Variants in NRXN2 observed in about 807,000 individuals in gnomAD.
The protein encoded by NRXN2 is neurexin-2-beta.
Under a neutral mutation model 128.8 loss-of-function variants are expected in NRXN2, and 29 were observed. The ratio of observed to expected loss-of-function variants is 0.23; its 90% confidence interval spans 0.17 to 0.31. NRXN2 has a LOEUF of 0.31. Among genes scored for constraint, NRXN2 ranks in the 10% least tolerant of loss-of-function variants. NRXN2 has a pLI of 1.00. For synonymous variants in NRXN2, 1,098 were observed against 1,075.2 expected (o/e 1.02, Z -0.41); for missense variants, 1,881 against 2,452.6 (o/e 0.77, Z 4.92).
intron 6 of NRXN2, among the ~76,000 whole-genome samples, chr11:64,679,927 A>G (rs1272694007): frequency 6.6e-6 from 1 of 152,166 alleles, no homozygotes; most frequent in Non-Finnish European, 1.5e-5. Flanking sequence ...GGCCTTCCCT[A>G]TGGCCAGGAT....
At chr11:64,670,834 T>C (rs1430344866) in intron 7 of NRXN2, among the ~76,000 whole-genome samples, 1 of 152,304 alleles carries the variant, frequency 6.6e-6, no homozygotes, top group Non-Finnish European at 1.5e-5. Context: ...AGGGCTCTTC[T>C]GGTCCCAAAG....
Position 64,607,161 on chromosome 11 carries a change from AG to A in NRXN2, c.*34del. 6.2e-7 allele frequency: 1 copy of A among 1,601,288 alleles called. No homozygotes were observed. ...CACCCTCCTCCCGGGCCCTCCCAGG[AG>A]GGGCAGCTGGCAGTGGGGCGCAGTG... On this transcript the variant is annotated 3_prime_UTR_variant, in exon 23 of 23. Coordinates refer to ENST00000265459, the MANE Select transcript of NRXN2 (RefSeq NM_015080.4).
chr11:64,715,069 G>T (rs61350325), intron 1 of NRXN2, among the ~76,000 whole-genome samples: 4,544 of 152,160 alleles, frequency 0.03, 199 homozygotes, highest in African/African-American at 0.1. Flanking sequence ...GGAAGGAGAG[G>T]AAGCGCCTGG....
intron 4 of NRXN2, among the ~76,000 whole-genome samples, chr11:64,692,407 A>G (rs2053918061): frequency 6.6e-6 from 1 of 152,164 alleles, no homozygotes; most frequent in Non-Finnish European, 1.5e-5. Flanking sequence ...TCTCCAGCCC[A>G]TGCTTTTCTC....
intron 17 of NRXN2, among the ~76,000 whole-genome samples, chr11:64,636,105 G>C (rs2044667343): frequency 6.6e-6 from 1 of 152,076 alleles, no homozygotes; most frequent in Non-Finnish European, 1.5e-5. Flanking sequence ...GCCATGAGGT[G>C]GGGGTGGGGG....
In NRXN2 at chr11:64,630,556, C is replaced by T; in HGVS notation, c.3603G>A (p.Gly1201=). 3.1e-6 allele frequency: 5 copies of T among 1,613,964 alleles called. No homozygotes were observed. The highest frequency in any genetic ancestry group is 4.2e-6 in the Non-Finnish European group (5 of 1,180,022). Residue 1201 remains glycine (G), a synonymous_variant, in exon 19 of 23, where the codon GGG becomes GGA. Transcript: ENST00000265459. This position sits in a 1 kb window ranked among gnomAD's most constrained non-coding sequence, Gnocchi z 4.6. ...LQLHIDQGTV[G]VIFNVGTDDI... ...CGTCCGTGCCCACGTTAAAGATCAC[C>T]CCCACGGTGCCCTGGTCCTGGGGAC...
chr11:64,715,155 A>G (rs1256605294), intron 1 of NRXN2, among the ~76,000 whole-genome samples: 2 of 152,130 alleles, frequency 1.3e-5, no homozygotes, highest in East Asian at 3.8e-4. Context: ...GACAGAGAAA[A>G]TTAAATTCCA....
chr11:64,622,604 C>T lies in NRXN2; in HGVS notation c.4173+149G>A, dbSNP rs1442804141. ...TCCTGAAAGGTGACCTTGCCCATCG[C>T]CATGGCAACAAAGTCAGCGACAGCA... On this transcript the variant is annotated intron_variant, in intron 21 of 22. Transcript: ENST00000265459. This position sits in a 1 kb window ranked among gnomAD's most constrained non-coding sequence, Gnocchi z 4.3. The T allele has an allele frequency of 2.6e-5, 31 of 1,189,556 alleles. No individual in the cohort carries two copies. Among genetic ancestry groups the T allele is most frequent in the Admixed American group, 4.4e-5 (2 of 45,766 alleles). The allele number at this position is 1,189,556 out of a possible 1,614,324, so 73.7% of individuals were successfully genotyped here. A position where few individuals can be genotyped will look rare whatever the true frequency, so the allele number is the denominator to read the frequency against.
chr11:64,666,170 C>G (rs1591954848), intron 9 of NRXN2, among the ~76,000 whole-genome samples: 2 of 152,064 alleles, frequency 1.3e-5, no homozygotes, highest in Admixed American at 1.3e-4. Context: ...CCATCTGGCA[C>G]ACAGTGGGTG....
chr11:64,716,421 G>C (rs1159199768), intron 1 of NRXN2, among the ~76,000 whole-genome samples: 2 of 152,212 alleles, frequency 1.3e-5, no homozygotes, highest in Admixed American at 1.3e-4. Context: ...ATGGTAGGGA[G>C]GCTGCCAGAG....
chr11:64,654,595 C>A (rs1591835483), intron 11 of NRXN2, among the ~76,000 whole-genome samples: 1 of 152,294 alleles, frequency 6.6e-6, no homozygotes, highest in Non-Finnish European at 1.5e-5. Flanking sequence ...CTACACAGAG[C>A]CAGCAGCCCA....
intron 17 of NRXN2, among the ~76,000 whole-genome samples, chr11:64,638,534 G>T (rs906013147): frequency 3.3e-5 from 5 of 152,090 alleles, no homozygotes; most frequent in African/African-American, 1.2e-4. Flanking sequence ...CCCTGCCCAC[G>T]GACTCCCCCA....
chr11:64,697,733 G>A, intron 3 of NRXN2, 42 bp downstream of exon 3: 2 of 1,611,968 alleles, frequency 1.2e-6, no homozygotes, highest in Non-Finnish European at 1.7e-6. Flanking sequence ...GATCCCCATG[G>A]CAACAGATCC....
intron 6 of NRXN2, among the ~76,000 whole-genome samples, chr11:64,680,407 T>C (rs751925178): frequency 3.9e-5 from 6 of 152,164 alleles, no homozygotes; most frequent in Non-Finnish European, 7.3e-5. Flanking sequence ...GGCTTCAAAA[T>C]TTGAGAACAT....
At chr11:64,616,277 T>G (rs544413803) in intron 22 of NRXN2, among the ~76,000 whole-genome samples, 1 of 152,162 alleles carries the variant, frequency 6.6e-6, no homozygotes, top group Non-Finnish European at 1.5e-5. Flanking sequence ...TATGTGTGCA[T>G]TGTGGTGAGT....
At chr11:64,684,396 G>C (rs1281217839) in intron 6 of NRXN2, among the ~76,000 whole-genome samples, 2 of 152,188 alleles carry the variant, frequency 1.3e-5, no homozygotes, top group East Asian at 3.8e-4. Flanking sequence ...CCGCATTAAG[G>C]AGTGACTCCA....
intron 22 of NRXN2, among the ~76,000 whole-genome samples, chr11:64,612,237 G>C (rs925971565): frequency 1.3e-5 from 2 of 152,094 alleles, no homozygotes; most frequent in African/African-American, 4.8e-5. Flanking sequence ...ACTCCTCCCT[G>C]CCAAAAGCCC....
chr11:64,694,429 G>C (rs551971423), intron 3 of NRXN2, among the ~76,000 whole-genome samples: 2 of 152,242 alleles, frequency 1.3e-5, no homozygotes, highest in Admixed American at 1.3e-4. Flanking sequence ...GCAGTGAGGA[G>C]GACAGGAAGG....
intron 2 of NRXN2, among the ~76,000 whole-genome samples, chr11:64,708,098 C>CAAA (rs1333066704): frequency 2.3e-5 from 3 of 128,208 alleles, no homozygotes; most frequent in Non-Finnish European, 3.4e-5. Context: ...AACTCCGTCT[C>CAAA]AAAAAAAAAA....
Sources: allele counts gnomAD v4.1 joint callset (sites outside exome capture counted in the v4.1 genomes callset), GRCh38; gene constraint gnomAD v4.1.1; non-coding constraint Gnocchi (gnomAD v3.1); transcripts MANE v1.5; gene names NCBI Gene and HGNC (gene_info 2026-07-23, HGNC 2026-07-21).